Variants in CATSPERB observed in about 807,000 individuals in gnomAD.
CATSPERB encodes the protein catsper channel auxiliary subunit beta.
A neutral mutation model predicts 128.3 loss-of-function variants in CATSPERB; 93 were observed. That is an observed-to-expected ratio of 0.72 (90% confidence interval 0.61 to 0.86). CATSPERB has a LOEUF of 0.86. CATSPERB is among the 40% of genes least tolerant of loss of function. The probability of loss-of-function intolerance (pLI) is 0.00; values close to 1 mark genes in which losing one functional copy is unlikely to be tolerated. For missense variants in CATSPERB, 1,153 were observed against 1,329.5 expected (o/e 0.87, Z 2.06); for synonymous variants, 381 against 448.8 (o/e 0.85, Z 1.91).
At chr14:91,605,178 T>C (rs905813347) in intron 22 of CATSPERB, 63 of 1,526,568 alleles carry the variant, frequency 4.1e-5, no homozygotes, top group Middle Eastern at 2.3e-4. Context: ...ACAGTCTCCA[T>C]GTGAGGCATC....
At chr14:91,709,747 A>G (rs1895805132) in intron 5 of CATSPERB, 1 of 153,224 alleles carries the variant, frequency 6.5e-6, no homozygotes, top group Admixed American at 6.5e-5. Flanking sequence ...CAGGTCTTAG[A>G]TAACTTTCAA....
chr14:91,603,965 A>ATTTTTTT (rs35843912), intron 22 of CATSPERB, among the ~76,000 whole-genome samples: 1 of 139,336 alleles, frequency 7.2e-6, no homozygotes. Flanking sequence ...AACTTCATCT[A>ATTTTTTT]TTTTTTTTTT....
At position 91,621,607 on chromosome 14, in the gene CATSPERB, C is replaced by A; in HGVS notation, c.2260+1G>T. 6.4e-7 allele frequency: 1 copy of A among 1,559,298 alleles called. No individual in the cohort carries two copies. Among genetic ancestry groups the A allele is most frequent in the Non-Finnish European group, 8.7e-7 (1 of 1,153,446 alleles). ...ATATTTTCCGATCAAAACAAACTTA[C>A]CTTTTGCATTCCGTATGACCTTAGC... On this transcript the variant is annotated splice_donor_variant, in intron 19 of 26. Coordinates refer to ENST00000256343, the MANE Select transcript of CATSPERB (RefSeq NM_024764.4). LOFTEE classifies it high-confidence loss of function.
intron 19 of CATSPERB, among the ~76,000 whole-genome samples, chr14:91,619,890 T>C (rs1189290137): frequency 2.0e-5 from 3 of 148,064 alleles, no homozygotes; most frequent in African/African-American, 4.9e-5. Flanking sequence ...TGTGTGTGTG[T>C]GTGTGTGTGT....
intron 11 of CATSPERB, among the ~76,000 whole-genome samples, 176 bp from the exon 12 acceptor site, chr14:91,674,398 C>T (rs899673296): frequency 7.2e-5 from 11 of 152,044 alleles, no homozygotes; most frequent in Non-Finnish European, 1.5e-4. Context: ...AATGTATACT[C>T]AAATCTAATT....
At position 91,617,635 on chromosome 14, in the gene CATSPERB, C is replaced by T. The variant is rs756778834; in HGVS notation, c.2362G>A (p.Val788Ile). 3.1e-6 allele frequency: 5 copies of T among 1,592,758 alleles called. No individual in the cohort carries two copies. The highest frequency in any genetic ancestry group is 2.3e-5 in the East Asian group (1 of 42,990). ...TTGCTAGCTGCAGAAATTGTTATTA[C>T]ATAACTGTCAGTATCATCAAAAGTC... ...EVTFDDTDSY[V>I]ITISAASKVL... Residue 788 changes from valine (V) to isoleucine (I), a missense_variant, in exon 20 of 27, where the codon GTA becomes ATA. By Grantham distance (29) the Val-to-Ile change is conservative. Transcript: ENST00000256343.
chr14:91,616,820 C>A (rs1196982501), intron 20 of CATSPERB, among the ~76,000 whole-genome samples: 1 of 138,880 alleles, frequency 7.2e-6, no homozygotes, highest in Non-Finnish European at 1.5e-5. Context: ...CGGTTCACTG[C>A]AACCTCTGCC....
At chr14:91,598,608 C>T (rs139417392) in intron 22 of CATSPERB, among the ~76,000 whole-genome samples, 1,842 of 152,162 alleles carry the variant, frequency 0.012, 35 homozygotes, top group African/African-American at 0.041. Context: ...CCTGTAATCC[C>T]GGCACTTTGG....
intron 14 of CATSPERB, among the ~76,000 whole-genome samples, chr14:91,664,952 C>T (rs1894954674): frequency 6.6e-6 from 1 of 152,168 alleles, no homozygotes; most frequent in South Asian, 2.1e-4. Context: ...TGCAATGGCA[C>T]AATCTTGGCT....
At chr14:91,665,857 A>C (rs972696830) in intron 14 of CATSPERB, among the ~76,000 whole-genome samples, 4 of 152,180 alleles carry the variant, frequency 2.6e-5, no homozygotes, top group Admixed American at 2.6e-4. Flanking sequence ...AAACAAACTA[A>C]CAAAAAAACC....
chr14:91,699,981 C>T (rs1895619759), intron 7 of CATSPERB, among the ~76,000 whole-genome samples: 2 of 151,852 alleles, frequency 1.3e-5, no homozygotes, highest in Non-Finnish European at 2.9e-5. Context: ...ATGTGCAGAA[C>T]ATGCAGGTTT....
chr14:91,582,706 G>C (rs1743178), intron 26 of CATSPERB, among the ~76,000 whole-genome samples: 106,195 of 151,914 alleles, frequency 0.7, 37,595 homozygotes, highest in East Asian at 0.96. Flanking sequence ...TATTCTGAGT[G>C]CATAAAGGCC....
At chr14:91,652,603 G>A (rs924705538) in intron 15 of CATSPERB, among the ~76,000 whole-genome samples, 6 of 138,042 alleles carry the variant, frequency 4.3e-5, no homozygotes, top group Non-Finnish European at 4.6e-5. Flanking sequence ...CCCGGGAGGC[G>A]GAGGTTGCAG....
At chr14:91,620,153 A>G (rs571996063) in intron 19 of CATSPERB, among the ~76,000 whole-genome samples, 174 of 151,946 alleles carry the variant, frequency 1.1e-3, no homozygotes, top group African/African-American at 4.0e-3. Flanking sequence ...TGAAGTTTTG[A>G]TTTTTTACGG....
rs1555360387 is a variant in CATSPERB at position 91,616,733 on chromosome 14, C to CCTTTTTTTTTTTTTTTTTTTT, written c.2400+863_2400+864insAAAAAAAAAAAAAAAAAAAAG. On this transcript the variant is annotated intron_variant, in intron 20 of 26. Coordinates refer to ENST00000256343, the MANE Select transcript of CATSPERB (RefSeq NM_024764.4). ...ATTTCTTATTATTTAAAGTATTCCC[C>CCTTTTTTTTTTTTTTTTTTTT]TTTTTTTTTTTTTTTTTTTTTTTTT... Among the ~76,000 whole-genome samples, 2 of 84,482 alleles carry CCTTTTTTTTTTTTTTTTTTTT rather than the reference C, an allele frequency of 2.4e-5. 1 individual carries two copies. The allele number at this position is 84,482 out of a possible 152,430, so 55.4% of individuals were successfully genotyped here. A position where few individuals can be genotyped will look rare whatever the true frequency, so the allele number is the denominator to read the frequency against.
intron 15 of CATSPERB, among the ~76,000 whole-genome samples, chr14:91,658,655 C>A (rs1476906923): frequency 7.1e-6 from 1 of 141,314 alleles, no homozygotes; most frequent in Non-Finnish European, 1.5e-5. Flanking sequence ...CTCATGTATC[C>A]CATAAATTTA....
intron 5 of CATSPERB, among the ~76,000 whole-genome samples, chr14:91,718,449 A>G (rs374927503): frequency 6.6e-6 from 1 of 152,088 alleles, no homozygotes; most frequent in East Asian, 1.9e-4. Flanking sequence ...TTACTCCAAT[A>G]CCAAGAGGGG....
At chr14:91,599,729 A>G (rs1893578310) in intron 22 of CATSPERB, among the ~76,000 whole-genome samples, 1 of 152,040 alleles carries the variant, frequency 6.6e-6, no homozygotes, top group Non-Finnish European at 1.5e-5. Flanking sequence ...TCAGTCTGGA[A>G]GGGGAGGACA....
In CATSPERB at chr14:91,589,467, G is replaced by T; in HGVS notation, c.2956+67C>A. Reference sequence around the variant, plus strand: ...GTGTGAACAGGCTTTGAAAACCATTGATCTTTGTAAACCAGTAACAATATT... The same window carrying T: ...GTGTGAACAGGCTTTGAAAACCATTTATCTTTGTAAACCAGTAACAATATT... On this transcript the variant is annotated intron_variant, in intron 24 of 26. Transcript: ENST00000256343. 3 of 1,476,572 alleles carry T rather than the reference G, an allele frequency of 2.0e-6. No homozygotes were observed. The South Asian group carries it at 4.1e-5, about 20-fold the overall frequency. 91.5% of individuals were successfully genotyped at this position (1,476,572 alleles called of 1,614,324 possible). A position where few individuals can be genotyped will look rare whatever the true frequency, so the allele number is the denominator to read the frequency against.
Sources: gnomAD v4.1 joint callset for allele counts (sites outside exome capture counted in the v4.1 genomes callset) on GRCh38, gnomAD v4.1.1 for gene constraint, MANE v1.5 for transcripts, NCBI Gene and HGNC (gene_info 2026-07-23, HGNC 2026-07-21) for gene names.